The following NFYC variants were observed in gnomAD, a reference collection of about 807,000 sequenced individuals.
NFYC encodes the protein nuclear transcription factor Y subunit gamma.
A neutral mutation model predicts 53.1 loss-of-function variants in NFYC; 25 were observed. The ratio of observed to expected loss-of-function variants is 0.47; its 90% CI spans 0.34 to 0.66. NFYC has a LOEUF of 0.66. Among genes scored for constraint, NFYC ranks in the 30% least tolerant of loss-of-function variants. The pLI is 0.01. For missense variants in NFYC, 260 were observed against 422.7 expected, an observed-to-expected ratio of 0.62 and a Z score of 3.38; for synonymous variants, 145 against 152.6, an observed-to-expected ratio of 0.95 and a Z score of 0.37.
chr1:40,724,904 A>G (rs1644455398), intron 1 of NFYC, among the ~76,000 whole-genome samples: 1 of 152,244 alleles, frequency 6.6e-6, no homozygotes, highest in South Asian at 2.1e-4. Flanking sequence ...TTCTAAGCCT[A>G]AGTCTTTTAG....
intron 2 of NFYC, among the ~76,000 whole-genome samples, chr1:40,742,642 A>G (rs775258222): frequency 6.6e-6 from 1 of 152,184 alleles, no homozygotes; most frequent in Non-Finnish European, 1.5e-5. Flanking sequence ...CTGCCATGCT[A>G]TGTCTTTTAT....
chr1:40,692,455 A>AG (rs1171773452), intron 1 of NFYC: 4 of 152,560 alleles, frequency 2.6e-5, no homozygotes, highest in African/African-American at 9.6e-5. Context: ...GCAGGCCCTC[A>AG]GGGTTCCAGG....
At chr1:40,768,284 A>G (rs1646917551) in intron 8 of NFYC, among the ~76,000 whole-genome samples, 1 of 152,224 alleles carries the variant, frequency 6.6e-6, no homozygotes, top group African/African-American at 2.4e-5. Flanking sequence ...TCTCAGGCTC[A>G]CTTGTTTATT....
chr1:40,747,657 G>T, intron 3 of NFYC, 52 bp downstream of exon 3: 1 of 1,186,968 alleles, frequency 8.4e-7, no homozygotes, highest in East Asian at 2.4e-5. Flanking sequence ...GTGATGGGTA[G>T]GTTATTGCTC....
At chr1:40,706,445 C>T (rs762318107) in intron 1 of NFYC, among the ~76,000 whole-genome samples, 2 of 152,028 alleles carry the variant, frequency 1.3e-5, no homozygotes, top group Non-Finnish European at 2.9e-5. Flanking sequence ...GCTCCTATTT[C>T]GGGTCCCTGC....
chr1:40,720,896 G>A (rs1160336999), intron 1 of NFYC, among the ~76,000 whole-genome samples: 1 of 152,018 alleles, frequency 6.6e-6, no homozygotes, highest in Non-Finnish European at 1.5e-5. Flanking sequence ...TTAAGTTCTT[G>A]AGGAACCTGT....
intron 2 of NFYC, among the ~76,000 whole-genome samples, chr1:40,741,898 G>A (rs1443294623): frequency 6.6e-6 from 1 of 150,514 alleles, no homozygotes; most frequent in East Asian, 2.0e-4. Flanking sequence ...GCCACCATGC[G>A]TGGCCTTTGT....
At chr1:40,747,994 C>G (rs149263054) in intron 3 of NFYC, among the ~76,000 whole-genome samples, 3,582 of 152,096 alleles carry the variant, frequency 0.024, 141 homozygotes, top group African/African-American at 0.082. Context: ...CGCCACCACA[C>G]CTAGCTAATT....
intron 2 of NFYC, among the ~76,000 whole-genome samples, chr1:40,741,134 A>T (rs1474708517): frequency 6.6e-6 from 1 of 152,156 alleles, no homozygotes; most frequent in Non-Finnish European, 1.5e-5. Context: ...TACCTCATAG[A>T]AGTGGGATCA....
chr1:40,725,118 A>G (rs907237858), intron 1 of NFYC, among the ~76,000 whole-genome samples: 1 of 152,244 alleles, frequency 6.6e-6, no homozygotes, highest in African/African-American at 2.4e-5. Flanking sequence ...TTAGAATGTA[A>G]GTAATAAGGT....
At chr1:40,744,270 C>T (rs566341452) in intron 2 of NFYC, among the ~76,000 whole-genome samples, 1 of 152,296 alleles carries the variant, frequency 6.6e-6, no homozygotes, top group Non-Finnish European at 1.5e-5. Context: ...AATTGTCTTG[C>T]ACAAAACTGG....
intron 1 of NFYC, among the ~76,000 whole-genome samples, chr1:40,728,625 A>C (rs1210040574): frequency 1.3e-5 from 2 of 151,858 alleles, no homozygotes; most frequent in African/African-American, 4.8e-5. Context: ...GGAGTTGTGC[A>C]AGCAGATTAA....
intron 6 of NFYC, among the ~76,000 whole-genome samples, chr1:40,762,613 T>TG (rs1240287776): frequency 5.3e-5 from 8 of 152,346 alleles, no homozygotes; most frequent in Non-Finnish European, 8.8e-5. Flanking sequence ...TGTGAAAAGT[T>TG]GCAGCATTTG....
At chr1:40,692,416 G>A (rs1199473613) in intron 1 of NFYC, 1 of 152,770 alleles carries the variant, frequency 6.5e-6, no homozygotes, top group Non-Finnish European at 1.5e-5. Flanking sequence ...TGCTTTTCCT[G>A]GTACATGCAT....
At chr1:40,729,284 A>G (rs1339472911) in intron 1 of NFYC, among the ~76,000 whole-genome samples, 2 of 152,208 alleles carry the variant, frequency 1.3e-5, no homozygotes, top group Non-Finnish European at 2.9e-5. Context: ...TGCATCAATT[A>G]CTCTAGCTAG....
At chr1:40,735,595 G>C (rs1359451989) in intron 1 of NFYC, 2 of 985,192 alleles carry the variant, frequency 2.0e-6, no homozygotes, top group Non-Finnish European at 2.4e-6. Flanking sequence ...CTTTTAAATC[G>C]TACAGGTCTT....
intron 1 of NFYC, among the ~76,000 whole-genome samples, chr1:40,719,124 C>T (rs1054252660): frequency 2.6e-5 from 4 of 152,222 alleles, no homozygotes; most frequent in African/African-American, 9.6e-5. Flanking sequence ...CCGCCTCAGC[C>T]TCCCAAAGTG....
At chr1:40,716,307 G>A (rs1483001342) in intron 1 of NFYC, among the ~76,000 whole-genome samples, 2 of 152,138 alleles carry the variant, frequency 1.3e-5, no homozygotes, top group Non-Finnish European at 2.9e-5. Context: ...TGTTTAACTG[G>A]GTGTAGACTC....
At chr1:40,700,267 A>G (rs2148415060) in intron 1 of NFYC, among the ~76,000 whole-genome samples, 1 of 152,288 alleles carries the variant, frequency 6.6e-6, no homozygotes. Flanking sequence ...TTTATCAAGC[A>G]CAGTGTTGTT....
Sources: gnomAD v4.1 joint callset for allele counts (sites outside exome capture counted in the v4.1 genomes callset) on GRCh38, gnomAD v4.1.1 for gene constraint, MANE v1.5 for transcripts, NCBI Gene and HGNC (gene_info 2026-07-23, HGNC 2026-07-21) for gene names.